PHEX: variants seen among roughly 807,000 people sequenced by gnomAD.
PHEX encodes phosphate-regulating neutral endopeptidase PHEX.
In PHEX, 16 loss-of-function variants were observed where a neutral mutation model predicts 68.0. The observed-to-expected ratio is 0.24, with a 90% CI of 0.16 to 0.36. PHEX has a LOEUF of 0.36. Among genes scored for constraint, PHEX ranks in the 10% least tolerant of loss-of-function variants. The probability of loss-of-function intolerance (pLI) is 1.00; values close to 1 mark genes in which losing one functional copy is unlikely to be tolerated. For missense variants in PHEX, 480 were observed against 575.5 expected (o/e 0.83, Z 1.70); for synonymous variants, 208 against 205.1 (o/e 1.01, Z -0.12).
chrX:22,157,809 G>A (rs1184794150), intron 12 of PHEX, among the ~76,000 whole-genome samples: 1 of 111,641 alleles, frequency 9.0e-6, no homozygotes, highest in Non-Finnish European at 1.9e-5. Flanking sequence ...GGTTGAGGGT[G>A]GATGACCTGA....
chrX:22,142,227 G>T (rs1267384507), intron 12 of PHEX, among the ~76,000 whole-genome samples: 3 of 111,984 alleles, frequency 2.7e-5, no homozygotes, highest in African/African-American at 9.7e-5. Context: ...ACTCCAGCCT[G>T]GGCGACAGAG....
intron 7 of PHEX, among the ~76,000 whole-genome samples, chrX:22,095,327 C>T (rs1036085785): frequency 2.7e-5 from 3 of 111,918 alleles, no homozygotes; most frequent in African/African-American, 6.5e-5. Flanking sequence ...ACATAGGAGG[C>T]CCAGGGCTCT....
At chrX:22,087,837 C>G (rs1435861448) in intron 5 of PHEX, among the ~76,000 whole-genome samples, 1 of 111,779 alleles carries the variant, frequency 8.9e-6, no homozygotes, top group African/African-American at 3.2e-5. Flanking sequence ...TTTTATTTAT[C>G]TTTAGTCAGT....
intron 12 of PHEX, among the ~76,000 whole-genome samples, chrX:22,137,939 C>T (rs779936338): frequency 7.1e-5 from 8 of 112,131 alleles, no homozygotes; most frequent in Admixed American, 9.4e-5. Context: ...CCTCACCCAA[C>T]AGTTGATGGG....
At chrX:22,095,717 G>A (rs779776127) in intron 7 of PHEX, among the ~76,000 whole-genome samples, 35 of 112,377 alleles carry the variant, frequency 3.1e-4, no homozygotes, top group African/African-American at 2.3e-4. Flanking sequence ...GGGGCCAGAC[G>A]TCTGCCAGTC....
intron 12 of PHEX, among the ~76,000 whole-genome samples, chrX:22,151,535 A>C (rs760581640): frequency 2.5e-4 from 28 of 111,627 alleles, no homozygotes; most frequent in African/African-American, 8.8e-4. Flanking sequence ...TCCTTGGGCC[A>C]GGGATGCTTA....
intron 13 of PHEX, among the ~76,000 whole-genome samples, chrX:22,176,402 AAT>A (rs1174350162): frequency 0.023 from 1,312 of 57,685 alleles, 8 homozygotes; most frequent in African/African-American, 0.066. Context: ...AAAAAAAAAA[AAT>A]ATATATATAT....
At chrX:22,208,690 T>C (rs1934791638) in intron 15 of PHEX, among the ~76,000 whole-genome samples, 1 of 111,974 alleles carries the variant, frequency 8.9e-6, no homozygotes, top group Non-Finnish European at 1.9e-5. Context: ...GGCCCAGCAA[T>C]CTGTAGTTTA....
intron 9 of PHEX, chrX:22,099,507 C>CTTTTTTTT (rs76234507): frequency 7.6e-6 from 1 of 131,865 alleles, no homozygotes; most frequent in African/African-American, 3.6e-5. Flanking sequence ...TCTTTTGCTG[C>CTTTTTTTT]TTTTTTTTTT....
chrX:22,043,638 T>C (rs1023753866), intron 2 of PHEX, among the ~76,000 whole-genome samples: 1 of 111,296 alleles, frequency 9.0e-6, no homozygotes, highest in Non-Finnish European at 1.9e-5. Context: ...ATACTCAATA[T>C]TGGTGATTTT....
intron 11 of PHEX, among the ~76,000 whole-genome samples, chrX:22,129,548 C>T (rs753909143): frequency 5.8e-4 from 65 of 111,315 alleles, no homozygotes; most frequent in African/African-American, 1.9e-3. Context: ...TCTTTAGATT[C>T]TTCTGCATGC....
chrX:22,036,282 A>T (rs1927018001), intron 1 of PHEX, among the ~76,000 whole-genome samples: 1 of 107,878 alleles, frequency 9.3e-6, no homozygotes, highest in South Asian at 4.0e-4. Context: ...CTGGTCTCGA[A>T]CTCCTGACCT....
At chrX:22,086,310 T>A (rs1408097668) in intron 5 of PHEX, among the ~76,000 whole-genome samples, 2 of 111,895 alleles carry the variant, frequency 1.8e-5, no homozygotes, top group Non-Finnish European at 3.8e-5. Flanking sequence ...TAGTCCCACC[T>A]CCCCTCTTTG....
chrX:22,231,232 T>C (rs762860921), intron 20 of PHEX, among the ~76,000 whole-genome samples: 1 of 111,666 alleles, frequency 9.0e-6, no homozygotes, highest in Non-Finnish European at 1.9e-5. Flanking sequence ...AAAGTTTTCT[T>C]TTTTTTTGTT....
chrX:22,183,762 T>C (rs757728324), intron 14 of PHEX, among the ~76,000 whole-genome samples: 18 of 111,563 alleles, frequency 1.6e-4, no homozygotes, highest in African/African-American at 5.2e-4. Flanking sequence ...CACCAATTTT[T>C]TGGTGAATTT....
Position 22,038,506 on chromosome X carries a change from G to A in PHEX, c.156G>A (p.Glu52=), listed in dbSNP as rs776477320. 20 of 1,197,640 alleles carry A rather than the reference G, an allele frequency of 1.7e-5. No individual in the cohort carries two copies. The highest frequency in any genetic ancestry group is 1.4e-5 in the Non-Finnish European group (12 of 884,305). ...QGLLSLQAKQ[E]YCLKPECIEA... ...TCTTAAGTCTCCAAGCTAAACAGGA[G>A]TACTGCCTGAAGCCAGAATGCATCG... The change falls in exon 2 of 22, where the codon GAG becomes GAA. Residue 52 remains glutamate (E), a synonymous_variant. Coordinates refer to ENST00000379374, the MANE Select transcript of PHEX (RefSeq NM_000444.6).
intron 16 of PHEX, among the ~76,000 whole-genome samples, chrX:22,216,508 T>C (rs202084703): frequency 2.9e-5 from 3 of 103,433 alleles, no homozygotes; most frequent in African/African-American, 7.1e-5. Context: ...TATTTATTTA[T>C]TTATTTATTT....
At chrX:22,181,232 G>T (rs1933874113) in intron 14 of PHEX, among the ~76,000 whole-genome samples, 1 of 111,783 alleles carries the variant, frequency 8.9e-6, no homozygotes, top group Non-Finnish European at 1.9e-5. Flanking sequence ...AAAGTACAAG[G>T]GTTCTCTTTT....
intron 18 of PHEX, among the ~76,000 whole-genome samples, chrX:22,224,818 G>C (rs1421057158): frequency 9.3e-6 from 1 of 107,527 alleles, no homozygotes; most frequent in Non-Finnish European, 1.9e-5. Context: ...TTGATACCTG[G>C]GTGACTGGGC....
Sources: allele counts gnomAD v4.1 joint callset (sites outside exome capture counted in the v4.1 genomes callset), GRCh38; gene constraint gnomAD v4.1.1; transcripts MANE v1.5; gene names NCBI Gene and HGNC (gene_info 2026-07-23, HGNC 2026-07-21).